CHD1L: variants seen among roughly 807,000 people sequenced by gnomAD.
CHD1L encodes ATP-dependent chromatin remodeler CHD1L.
Under a neutral mutation model 115.9 loss-of-function variants are expected in CHD1L, and 118 were observed. That is an observed-to-expected ratio of 1.02 (90% CI 0.88 to 1.19). The LOEUF is 1.19. CHD1L is among the 50% of genes most tolerant of loss of function. The pLI is 0.00. For synonymous variants in CHD1L, 411 were observed against 387.1 expected (o/e 1.06, Z -0.72); for missense variants, 1,179 against 1,065.3 (o/e 1.11, Z -1.49).
At chr1:147,276,612 C>T (rs1403489307) in intron 14 of CHD1L, among the ~76,000 whole-genome samples, 2 of 152,170 alleles carry the variant, frequency 1.3e-5, no homozygotes, top group Non-Finnish European at 2.9e-5. Context: ...ACCTTAGTCC[C>T]AGAGCCTTTG....
intron 6 of CHD1L, among the ~76,000 whole-genome samples, chr1:147,263,357 A>AG (rs1672661418): frequency 6.8e-6 from 1 of 147,832 alleles, no homozygotes; most frequent in Non-Finnish European, 1.5e-5. Flanking sequence ...TTGAACCGGG[A>AG]GGAGGAGGTT....
At chr1:147,242,897 G>T in intron 1 of CHD1L, 67 bp downstream of exon 1, 1 of 1,238,064 alleles carries the variant, frequency 8.1e-7, no homozygotes. Context: ...TTGCGGGCCG[G>T]GGGCGCAGCG....
At chr1:147,224,824 A>G in the CHD1L span, 1 of 1,489,122 alleles carries the variant, frequency 6.7e-7, no homozygotes, top group Non-Finnish European at 9.4e-7. Context: ...TGACACTGTT[A>G]AGATAAACTG....
chr1:147,205,725 G>A, the CHD1L span, among the ~76,000 whole-genome samples: 1 of 152,150 alleles, frequency 6.6e-6, no homozygotes, highest in East Asian at 1.9e-4. Context: ...GTACAAAGCT[G>A]AAACTTGATC....
At chr1:147,203,632 T>C in the CHD1L span, 2 of 1,282,632 alleles carry the variant, frequency 1.6e-6, no homozygotes, top group Non-Finnish European at 1.1e-6. Context: ...TAGCGTACTG[T>C]TCAAGTCCAG....
intron 7 of CHD1L, 35 bp from the exon 8 acceptor site, chr1:147,265,897 G>C: frequency 6.3e-7 from 1 of 1,584,850 alleles, no homozygotes; most frequent in Non-Finnish European, 8.6e-7. Flanking sequence ...TTCTACTTTT[G>C]TCCCACACTT....
intron 19 of CHD1L, among the ~76,000 whole-genome samples, chr1:147,288,464 C>T (rs901857063): frequency 2.6e-5 from 4 of 151,762 alleles, no homozygotes; most frequent in African/African-American, 9.7e-5. Context: ...AAGGCCGAGA[C>T]GAGGCAAGGA....
the CHD1L span, chr1:147,225,188 G>A: frequency 2.7e-6 from 4 of 1,462,842 alleles, no homozygotes; most frequent in Non-Finnish European, 3.6e-6. Context: ...CAGATTCGAC[G>A]GTCCTCTTCA....
At chr1:147,193,719 T>C in the CHD1L span, among the ~76,000 whole-genome samples, 1 of 152,292 alleles carries the variant, frequency 6.6e-6, no homozygotes, top group East Asian at 1.9e-4. Flanking sequence ...TTTGTTCCCA[T>C]TGGTTTCAAA....
At chr1:147,194,647 G>A in the CHD1L span, among the ~76,000 whole-genome samples, 7 of 152,142 alleles carry the variant, frequency 4.6e-5, no homozygotes, top group African/African-American at 9.6e-5. Flanking sequence ...GGCTGGTACC[G>A]GTTGTTCCTT....
chr1:147,283,035 A>G (rs1681536438), intron 15 of CHD1L, among the ~76,000 whole-genome samples: 1 of 152,232 alleles, frequency 6.6e-6, no homozygotes, highest in Non-Finnish European at 1.5e-5. Flanking sequence ...ACTAGTAACT[A>G]ACGTGGCCCC....
chr1:147,262,144 C>T (rs1192860910), intron 6 of CHD1L, among the ~76,000 whole-genome samples: 2 of 144,698 alleles, frequency 1.4e-5, no homozygotes, highest in South Asian at 2.1e-4. Flanking sequence ...GGCAGTGAGC[C>T]GAGATTGCGC....
chr1:147,284,973 C>T (rs1682501890), intron 16 of CHD1L, among the ~76,000 whole-genome samples: 2 of 152,126 alleles, frequency 1.3e-5, no homozygotes, highest in African/African-American at 4.8e-5. Flanking sequence ...GAAAGAGTTC[C>T]ATTAAAAATG....
Position 147,264,399 on chromosome 1 carries a change from TTTTA to T in CHD1L, c.577-13_577-10del, listed in dbSNP as rs754469239. ...GCATTCCAGTGTTATGGAATTTTTA[TTTTA>T]TTTATTTATGTATTTGAGTTCTCAG... On this transcript the variant is annotated intron_variant, in intron 6 of 22. Coordinates refer to ENST00000369258, the MANE Select transcript of CHD1L (RefSeq NM_004284.6). 2,180 of 1,545,228 alleles carry T rather than the reference TTTTA, an allele frequency of 1.4e-3. 6 individuals are homozygous for T. The highest frequency in any genetic ancestry group is 1.7e-3 in the Non-Finnish European group (1,989 of 1,144,160).
chr1:147,213,418 C>T, the CHD1L span: 1 of 1,613,376 alleles, frequency 6.2e-7, no homozygotes, highest in Non-Finnish European at 8.5e-7. Context: ...GACCACTTCC[C>T]ATTGGCCTGA....
upstream of CHD1L, among the ~76,000 whole-genome samples, chr1:147,238,764 A>C (rs1664670168): frequency 6.6e-6 from 1 of 152,202 alleles, no homozygotes; most frequent in African/African-American, 2.4e-5. Flanking sequence ...CCTCATTCAA[A>C]CATTCAACAA....
chr1:147,226,179 G>A, the CHD1L span, among the ~76,000 whole-genome samples: 3 of 151,538 alleles, frequency 2.0e-5, no homozygotes, highest in Admixed American at 2.0e-4. Context: ...GTGGGAGGAG[G>A]GCAGCAGTAG....
chr1:147,218,243 AT>A, the CHD1L span, among the ~76,000 whole-genome samples: 1 of 150,272 alleles, frequency 6.7e-6, no homozygotes, highest in African/African-American at 2.4e-5. Context: ...AACATGCAGA[AT>A]TTTTTTTTTT....
chr1:147,278,797 C>T (rs1679664851), intron 14 of CHD1L, among the ~76,000 whole-genome samples: 1 of 152,126 alleles, frequency 6.6e-6, no homozygotes, highest in African/African-American at 2.4e-5. Context: ...TCTTTATCCC[C>T]ATCTTAAGTA....
Sources: gnomAD v4.1 joint callset for allele counts (sites outside exome capture counted in the v4.1 genomes callset) on GRCh38, gnomAD v4.1.1 for gene constraint, MANE v1.5 for transcripts, NCBI Gene and HGNC (gene_info 2026-07-23, HGNC 2026-07-21) for gene names.